Variants in ASAP1 observed in about 807,000 individuals in gnomAD.
ASAP1 encodes arf-GAP with SH3 domain, ANK repeat and PH domain-containing protein 1.
ASAP1 carries 43 observed loss-of-function variants against 145.2 expected under a neutral mutation model. The observed-to-expected ratio is 0.30, with a 90% confidence interval of 0.23 to 0.38. The LOEUF (loss-of-function observed/expected upper bound fraction) is 0.38, where lower values mean the gene tolerates loss of function less well. Ranked by LOEUF, ASAP1 falls within the 10% of genes least tolerant of loss-of-function variation. ASAP1 has a pLI of 1.00. For synonymous variants in ASAP1, 546 were observed against 515.5 expected (o/e 1.06, Z -0.80); for missense variants, 1,018 against 1,355.3 (o/e 0.75, Z 3.91).
intron 13 of ASAP1, among the ~76,000 whole-genome samples, chr8:130,140,515 C>T (rs1211012096): frequency 1.3e-5 from 2 of 152,094 alleles, no homozygotes; most frequent in Non-Finnish European, 2.9e-5. Flanking sequence ...TCCTTTCCCT[C>T]CTCCCATCCT....
chr8:130,172,075 CT>C (rs1246866250), intron 9 of ASAP1, among the ~76,000 whole-genome samples: 1 of 152,166 alleles, frequency 6.6e-6, no homozygotes, highest in African/African-American at 2.4e-5. Flanking sequence ...CATTTAACTT[CT>C]CTTGGCCTCA....
intron 18 of ASAP1, among the ~76,000 whole-genome samples, chr8:130,122,792 G>T (rs955408596): frequency 2.6e-5 from 4 of 152,184 alleles, no homozygotes; most frequent in African/African-American, 9.7e-5. Context: ...GACTAGATGA[G>T]GCACAAAGCT....
At chr8:130,254,136 T>C (rs1438704447) in intron 3 of ASAP1, among the ~76,000 whole-genome samples, 1 of 152,232 alleles carries the variant, frequency 6.6e-6, no homozygotes, top group African/African-American at 2.4e-5. Context: ...TGGAGTAAAA[T>C]GTGACAAAAA....
chr8:130,054,509 T>C lies in ASAP1; in HGVS notation c.*222A>G. On this transcript the variant is annotated 3_prime_UTR_variant, in exon 30 of 30. Transcript: ENST00000518721. ...TAAGTGCTAGATGCCAAGGATGGCT[T>C]TGGCAAACCAGTAAGGCGCGCCGGG... The C allele has an allele frequency of 2.2e-6, 1 of 455,626 alleles. No homozygotes were observed. Among genetic ancestry groups the C allele is most frequent in the South Asian group, 2.4e-5 (1 of 42,128 alleles). 28.2% of individuals were successfully genotyped at this position (455,626 alleles called of 1,614,324 possible).
At chr8:130,357,227 C>CCTGAAG (rs1238032005) in intron 3 of ASAP1, among the ~76,000 whole-genome samples, 1 of 151,544 alleles carries the variant, frequency 6.6e-6, no homozygotes, top group Non-Finnish European at 1.5e-5. Context: ...GCAACGCTTT[C>CCTGAAG]CTGAAGGGTC....
chr8:130,343,722 A>G (rs1488351849), intron 3 of ASAP1, among the ~76,000 whole-genome samples: 1 of 152,244 alleles, frequency 6.6e-6, no homozygotes, highest in African/African-American at 2.4e-5. Flanking sequence ...GGTGAACAAC[A>G]GGTCCTCCCT....
At position 130,228,744 on chromosome 8, in the gene ASAP1, C is replaced by CA. The variant is rs202007239; in HGVS notation, c.259+8177dup. ...AAAGAATCTAAATAATGAAAAAAAA[C>CA]AAAAAAACCTTTAACTTGAAAAATA... On this transcript the variant is annotated intron_variant, in intron 4 of 29. Coordinates refer to ENST00000518721, the MANE Select transcript of ASAP1 (RefSeq NM_018482.4). Among the ~76,000 whole-genome samples, 186 of 143,396 alleles carry CA rather than the reference C, an allele frequency of 1.3e-3. 1 individual carries two copies. The highest frequency in any genetic ancestry group is 4.3e-3 in the African/African-American group (168 of 38,996). The allele number at this position is 143,396 out of a possible 152,430, so 94.1% of individuals were successfully genotyped here. A position where few individuals can be genotyped will look rare whatever the true frequency, so the allele number is the denominator to read the frequency against.
chr8:130,358,521 C>T lies in ASAP1; in HGVS notation c.60-378G>A, dbSNP rs921230704. Among the ~76,000 whole-genome samples the T allele has an allele frequency of 2.0e-5, 3 of 147,694 alleles. No homozygotes were observed. The highest frequency in any genetic ancestry group is 4.9e-5 in the African/African-American group (2 of 40,886). On this transcript the variant is annotated intron_variant, in intron 2 of 29. Transcript: ENST00000518721. This position sits in a 1 kb window ranked among gnomAD's most constrained non-coding sequence, Gnocchi z 4.1. ...CTCCGGCCGGCCGCTGGGGCGTGCG[C>T]GGGCTGGGCGGCTGGGGCGCCCGGC... is the stretch of plus-strand genomic sequence containing the variant.
At chr8:130,252,101 A>G (rs1274816627) in intron 3 of ASAP1, among the ~76,000 whole-genome samples, 5 of 152,208 alleles carry the variant, frequency 3.3e-5, no homozygotes. Flanking sequence ...ACCTAAATCC[A>G]ACAACAGTAA....
At chr8:130,160,077 CT>C in intron 11 of ASAP1, 113 bp from the exon 12 acceptor site, 2 of 856,988 alleles carry the variant, frequency 2.3e-6, no homozygotes, top group Non-Finnish European at 3.8e-6. Flanking sequence ...AATTATGGAA[CT>C]TTAAGAGCTG....
At chr8:130,109,241 G>C (rs1323220797) in intron 24 of ASAP1, among the ~76,000 whole-genome samples, 2 of 151,624 alleles carry the variant, frequency 1.3e-5, no homozygotes, top group Non-Finnish European at 2.9e-5. Context: ...TTTCGGTATG[G>C]GGCTTGAGGA....
intron 2 of ASAP1, among the ~76,000 whole-genome samples, chr8:130,388,441 G>A (rs2138457036): frequency 6.6e-6 from 1 of 152,324 alleles, no homozygotes. Context: ...TGAGAGGCCT[G>A]CTAGACTTCC....
chr8:130,055,867 C>G (rs1255984057), intron 29 of ASAP1, among the ~76,000 whole-genome samples: 1 of 152,208 alleles, frequency 6.6e-6, no homozygotes, highest in South Asian at 2.1e-4. Flanking sequence ...GCTTGCCCAC[C>G]CACCGCGTGT....
intron 3 of ASAP1, among the ~76,000 whole-genome samples, chr8:130,342,846 C>A (rs758732183): frequency 1.3e-5 from 2 of 152,182 alleles, no homozygotes; most frequent in Non-Finnish European, 2.9e-5. Context: ...CACCCTACAC[C>A]CCTCCAGGCA....
chr8:130,133,282 C>T (rs2097585958), intron 15 of ASAP1, among the ~76,000 whole-genome samples: 1 of 152,194 alleles, frequency 6.6e-6, no homozygotes, highest in African/African-American at 2.4e-5. Context: ...GGAATAAAGA[C>T]AGCTCAGGAC....
chr8:130,340,919 A>C (rs1825336975), intron 3 of ASAP1: 2 of 455,518 alleles, frequency 4.4e-6, no homozygotes, highest in Admixed American at 2.4e-5. Context: ...ATCTTTCCAA[A>C]GTCTTCAAGG....
chr8:130,056,564 T>A (rs2097404709), intron 29 of ASAP1, among the ~76,000 whole-genome samples: 1 of 152,224 alleles, frequency 6.6e-6, no homozygotes, highest in African/African-American at 2.4e-5. Flanking sequence ...AGGGCAAAAT[T>A]GCCCCAGTTG....
chr8:130,071,047 A>AGAGAGAGAG (rs1491183461), intron 27 of ASAP1, among the ~76,000 whole-genome samples: 25 of 133,808 alleles, frequency 1.9e-4, no homozygotes, highest in Admixed American at 3.8e-4. Flanking sequence ...AGAGAGAGAG[A>AGAGAGAGAG]AAGCAGAGTT....
intron 1 of ASAP1, among the ~76,000 whole-genome samples, chr8:130,424,251 T>A (rs983716906): frequency 4.6e-5 from 7 of 152,138 alleles, no homozygotes; most frequent in African/African-American, 1.7e-4. Flanking sequence ...ACAGGCAAAC[T>A]CAGTCAACCA....
Sources: allele counts gnomAD v4.1 joint callset (sites outside exome capture counted in the v4.1 genomes callset), GRCh38; gene constraint gnomAD v4.1.1; non-coding constraint Gnocchi (gnomAD v3.1); transcripts MANE v1.5; gene names NCBI Gene and HGNC (gene_info 2026-07-23, HGNC 2026-07-21).